CEACAM5: variants seen among roughly 807,000 people sequenced by gnomAD.
CEACAM5 encodes cell adhesion molecule CEACAM5.
A neutral mutation model predicts 63.0 loss-of-function variants in CEACAM5; 52 were observed. That is an observed-to-expected ratio of 0.83 (90% CI 0.66 to 1.04). The LOEUF is 1.04. Ranked by LOEUF, CEACAM5 falls within the 50% of genes least tolerant of loss-of-function variation. The pLI, the probability that CEACAM5 is intolerant of heterozygous loss-of-function variation, is 0.00. For missense variants in CEACAM5, 790 were observed against 864.8 expected, an observed-to-expected ratio of 0.91 and a Z score of 1.08; for synonymous variants, 357 against 351.3, an observed-to-expected ratio of 1.02 and a Z score of -0.18.
chr19:41,718,714 T>C (rs2072568854), intron 6 of CEACAM5, among the ~76,000 whole-genome samples: 1 of 152,230 alleles, frequency 6.6e-6, no homozygotes, highest in Admixed American at 6.5e-5. Context: ...AATATGTCCC[T>C]TTCTGACACC....
chr19:41,709,015 C>A (rs1271100623), intron 1 of CEACAM5, among the ~76,000 whole-genome samples: 1 of 152,220 alleles, frequency 6.6e-6, no homozygotes, highest in Non-Finnish European at 1.5e-5. Context: ...TTGTCACTGG[C>A]CACTACGTTT....
rs2072715615 is a variant in CEACAM5 at position 41,727,395 on chromosome 19, C to T, written c.*36+43C>T. 4.1e-6 allele frequency: 4 copies of T among 967,636 alleles called. No individual in the cohort carries two copies. In the East Asian group the frequency reaches 9.6e-5, roughly 23 times the overall value. 59.9% of individuals were successfully genotyped at this position (967,636 alleles called of 1,614,324 possible). On this transcript the variant is annotated intron_variant, in intron 9 of 9. Coordinates refer to ENST00000221992, the MANE Select transcript of CEACAM5 (RefSeq NM_004363.6). ...TCCTCTTGTTCTGTTTCCTGCAGTG[C>T]TGACTGCCATGCTTGGGAGAGGGAA...
At chr19:41,719,079 G>C (rs544233037) in intron 6 of CEACAM5, among the ~76,000 whole-genome samples, 1 of 152,196 alleles carries the variant, frequency 6.6e-6, no homozygotes, top group Non-Finnish European at 1.5e-5. Context: ...GTCACCGGCT[G>C]TATGAGATTG....
intron 2 of CEACAM5, among the ~76,000 whole-genome samples, chr19:41,710,660 A>G (rs1189823489): frequency 6.6e-6 from 1 of 152,034 alleles, no homozygotes; most frequent in Non-Finnish European, 1.5e-5. Flanking sequence ...AGACAAGGTT[A>G]TTAGGGTGTC....
At chr19:41,721,266 A>G in intron 8 of CEACAM5, 90 bp downstream of exon 8, 10 of 1,459,356 alleles carry the variant, frequency 6.9e-6, no homozygotes, top group Non-Finnish European at 9.5e-6. Flanking sequence ...TTTCTTTCCC[A>G]GTCTGTGTTC....
Position 41,715,066 on chromosome 19 carries a change from G to A in CEACAM5, c.520G>A (p.Ala174Thr), listed in dbSNP as rs782212178. Residue 174 changes from alanine (A) to threonine (T), a missense_variant, in exon 3 of 10, where the codon GCA becomes ACA. Ala to Thr is a moderately conservative substitution (Grantham distance 58, BLOSUM62 0). Transcript: ENST00000221992. ...AFTCEPETQD[A>T]TYLWWVNNQS... Reference sequence around the variant, plus strand: ...CACCTGTGAACCTGAGACTCAGGACGCAACCTACCTGTGGTGGGTAAACAA... The same window carrying A: ...CACCTGTGAACCTGAGACTCAGGACACAACCTACCTGTGGTGGGTAAACAA... 1.1e-5 allele frequency: 17 copies of A among 1,614,074 alleles called. No homozygotes were observed. The highest frequency in any genetic ancestry group is 8.8e-5 in the South Asian group (8 of 91,084).
In CEACAM5 at chr19:41,720,957, T is replaced by C. The variant is rs371859092; in HGVS notation, c.1807T>C (p.Ser603Pro). The C allele has an allele frequency of 1.2e-6, 2 of 1,613,670 alleles. No individual in the cohort carries two copies. Among genetic ancestry groups the C allele is most frequent in the Non-Finnish European group, 1.7e-6 (2 of 1,179,932 alleles). The stretch of plus-strand genomic sequence containing the variant: ...CACCCCCATCATTTCCCCCCCAGAC[T>C]CGTCTTACCTTTCGGGAGCGAACCT... ...PDTPIISPPD[S>P]SYLSGANLNL... Residue 603 changes from serine (S) to proline (P), a missense_variant, in exon 8 of 10, where the codon TCG becomes CCG. Coordinates refer to ENST00000221992, the MANE Select transcript of CEACAM5 (RefSeq NM_004363.6).
chr19:41,716,026 G>T, intron 4 of CEACAM5, 122 bp downstream of exon 4: 3 of 1,136,944 alleles, frequency 2.6e-6, no homozygotes, highest in Non-Finnish European at 2.6e-6. Flanking sequence ...GCAAATCCCA[G>T]ATTCTCCCAC....
chr19:41,716,891 C>T (rs1190161242), intron 4 of CEACAM5, among the ~76,000 whole-genome samples: 1 of 152,208 alleles, frequency 6.6e-6, no homozygotes, highest in Non-Finnish European at 1.5e-5. Context: ...ACTCTGTTCC[C>T]ATCAAACTCC....
chr19:41,719,349 T>C (rs782650649), intron 6 of CEACAM5, among the ~76,000 whole-genome samples: 5 of 152,168 alleles, frequency 3.3e-5, no homozygotes, highest in Non-Finnish European at 7.3e-5. Flanking sequence ...CCCACAGAAC[T>C]CTTTTCTTCT....
At chr19:41,720,791 C>A in intron 7 of CEACAM5, 131 bp from the exon 8 acceptor site, 1 of 1,220,060 alleles carries the variant, frequency 8.2e-7, no homozygotes, top group Non-Finnish European at 1.2e-6. Context: ...TGAGCCACCG[C>A]ACCCGGCCGA....
intron 3 of CEACAM5, 69 bp downstream of exon 3, chr19:41,715,318 T>C (rs781821119): frequency 1.1e-5 from 18 of 1,593,020 alleles, no homozygotes; most frequent in Middle Eastern, 1.7e-4. Context: ...GCAGGATTTC[T>C]CAGTCCCTCT....
chr19:41,717,789 A>C, intron 5 of CEACAM5, 56 bp downstream of exon 5: 2 of 1,591,372 alleles, frequency 1.3e-6, no homozygotes, highest in South Asian at 2.3e-5. Context: ...CCACATAGCC[A>C]AAGTCCAGGC....
intron 3 of CEACAM5, 187 bp from the exon 4 acceptor site, chr19:41,715,463 G>A (rs782286751): frequency 1.8e-6 from 2 of 1,115,036 alleles, no homozygotes; most frequent in African/African-American, 1.5e-5. Flanking sequence ...GGAGGCTCAG[G>A]GTCCACACCC....
chr19:41,709,004 AT>A (rs1469359925), intron 1 of CEACAM5, among the ~76,000 whole-genome samples: 1 of 152,240 alleles, frequency 6.6e-6, no homozygotes, highest in Non-Finnish European at 1.5e-5. Context: ...TTCCTAGTTA[AT>A]TGTCACTGGC....
intron 2 of CEACAM5, among the ~76,000 whole-genome samples, chr19:41,713,298 C>T (rs1372842759): frequency 6.7e-6 from 1 of 150,262 alleles, no homozygotes. Context: ...AGCGAGACTC[C>T]ATCTCAAAAA....
intron 6 of CEACAM5, among the ~76,000 whole-genome samples, chr19:41,719,519 T>G (rs1555815711): frequency 6.6e-6 from 1 of 152,126 alleles, no homozygotes; most frequent in East Asian, 1.9e-4. Flanking sequence ...CAGGATAGCC[T>G]TGAAACAAAA....
At chr19:41,720,901 G>A in intron 7 of CEACAM5, 21 bp from the exon 8 acceptor site, 1 of 1,613,474 alleles carries the variant, frequency 6.2e-7, no homozygotes, top group Non-Finnish European at 8.5e-7. Context: ...ATCACCTGTG[G>A]CTTTGTTCTC....
At chr19:41,714,504 C>T (rs1485630638) in intron 2 of CEACAM5, among the ~76,000 whole-genome samples, 1 of 152,188 alleles carries the variant, frequency 6.6e-6, no homozygotes, top group Non-Finnish European at 1.5e-5. Context: ...GGTTTAAGGA[C>T]AATGGGAAGA....
Sources: allele counts gnomAD v4.1 joint callset (sites outside exome capture counted in the v4.1 genomes callset), GRCh38; gene constraint gnomAD v4.1.1; transcripts MANE v1.5; gene names NCBI Gene and HGNC (gene_info 2026-07-23, HGNC 2026-07-21).